The following PHF14 variants were observed in gnomAD, a reference collection of about 807,000 sequenced individuals.
PHF14 encodes the protein PHD finger protein 14.
A neutral mutation model predicts 117.9 loss-of-function variants in PHF14; 55 were observed. That is an observed-to-expected ratio of 0.47 (90% CI 0.38 to 0.58). PHF14 has a LOEUF of 0.58. Ranked by LOEUF, PHF14 falls within the 20% of genes least tolerant of loss-of-function variation. PHF14 has a pLI of 0.00. For missense variants in PHF14, 978 were observed against 1,122.2 expected (o/e 0.87, Z 1.84); for synonymous variants, 409 against 368.6 (o/e 1.11, Z -1.26).
chr7:10,987,188 T>C (rs1681311), intron 3 of PHF14, among the ~76,000 whole-genome samples: 106,121 of 152,082 alleles, frequency 0.7, 37,691 homozygotes, highest in African/African-American at 0.83. Context: ...AAAAAAAGGT[T>C]AGTTCTGTAA....
intron 17 of PHF14, among the ~76,000 whole-genome samples, chr7:11,114,993 G>A (rs538589043): frequency 2.6e-5 from 4 of 152,080 alleles, no homozygotes; most frequent in African/African-American, 9.6e-5. Flanking sequence ...AAAGAAATGT[G>A]TTTTCTTCTT....
At chr7:11,085,098 T>C (rs1786335845) in intron 16 of PHF14, among the ~76,000 whole-genome samples, 1 of 152,206 alleles carries the variant, frequency 6.6e-6, no homozygotes, top group South Asian at 2.1e-4. Context: ...AAACCTAATT[T>C]GGTATGTTAT....
At chr7:11,035,203 T>C (rs552093229) in intron 7 of PHF14, among the ~76,000 whole-genome samples, 1 of 152,192 alleles carries the variant, frequency 6.6e-6, no homozygotes, top group Admixed American at 6.5e-5. Flanking sequence ...TTAGGTATTA[T>C]AAGTAATGTA....
chr7:11,044,958 A>C (rs1758208049), intron 13 of PHF14, among the ~76,000 whole-genome samples: 2 of 152,112 alleles, frequency 1.3e-5, no homozygotes, highest in Admixed American at 1.3e-4. Flanking sequence ...CTTTGACTGT[A>C]ATGTCAGTGC....
At chr7:11,085,752 T>C (rs1005221106) in intron 16 of PHF14, among the ~76,000 whole-genome samples, 3 of 152,034 alleles carry the variant, frequency 2.0e-5, no homozygotes, top group Non-Finnish European at 4.4e-5. Context: ...AGAGACAGGG[T>C]CTCACTATAT....
intron 17 of PHF14, among the ~76,000 whole-genome samples, chr7:11,160,331 T>C (rs183946209): frequency 5.4e-4 from 83 of 152,322 alleles, no homozygotes; most frequent in Admixed American, 2.7e-3. Context: ...TGATTACATG[T>C]CTTCGCTATT....
intron 14 of PHF14, chr7:11,061,552 C>T: frequency 3.5e-6 from 1 of 283,632 alleles, no homozygotes; most frequent in Non-Finnish European, 6.5e-6. Context: ...CTATCAGATA[C>T]ATGTTTATTT....
chr7:10,977,163 A>G (rs902059164), intron 2 of PHF14, among the ~76,000 whole-genome samples: 1 of 152,048 alleles, frequency 6.6e-6, no homozygotes, highest in Non-Finnish European at 1.5e-5. Flanking sequence ...CATTAGTCCT[A>G]TCACTGGTTT....
In PHF14 at chr7:11,080,128, T is replaced by C. The variant is rs571604269; in HGVS notation, c.2654+18043T>C. ...AAGTTTATTTGCACCTGTGAGAACA[T>C]ACCAAGTGTAGTTGGATAGAGGAAG... On this transcript the variant is annotated intron_variant, in intron 16 of 17. Transcript: ENST00000634607. Among the ~76,000 whole-genome samples, 4 of 152,280 alleles carry C rather than the reference T, an allele frequency of 2.6e-5. No individual in the cohort carries two copies. The East Asian group carries it at 7.7e-4, about 29-fold the overall frequency.
chr7:11,102,675 G>C (rs1346771082), intron 16 of PHF14: 1 of 1,474,708 alleles, frequency 6.8e-7, no homozygotes, highest in East Asian at 2.5e-5. Context: ...TGTCAGGTTT[G>C]GATAGAATAT....
At chr7:11,165,702 G>T (rs1789183078) in intron 17 of PHF14, among the ~76,000 whole-genome samples, 1 of 152,104 alleles carries the variant, frequency 6.6e-6, no homozygotes, top group Admixed American at 6.5e-5. Flanking sequence ...GAATGGATAG[G>T]TTTTATTAAT....
chr7:11,084,596 AT>A (rs1255167217), intron 16 of PHF14, among the ~76,000 whole-genome samples: 3 of 151,982 alleles, frequency 2.0e-5, no homozygotes, highest in Non-Finnish European at 4.4e-5. Flanking sequence ...ATTTGGATGT[AT>A]CATAATTTAC....
At chr7:11,104,652 T>C in intron 16 of PHF14, 1 of 976,894 alleles carries the variant, frequency 1.0e-6, no homozygotes, top group Non-Finnish European at 1.2e-6. Context: ...TAATAGCAAG[T>C]AGTGGTTCTC....
At chr7:11,077,586 C>G (rs185309667) in intron 16 of PHF14, among the ~76,000 whole-genome samples, 3 of 121,738 alleles carry the variant, frequency 2.5e-5, no homozygotes, top group South Asian at 2.5e-4. Context: ...GGCAACAGAG[C>G]GAGACTCTGT....
intron 16 of PHF14, among the ~76,000 whole-genome samples, chr7:11,078,270 T>TA (rs1785944300): frequency 6.6e-6 from 1 of 152,164 alleles, no homozygotes; most frequent in African/African-American, 2.4e-5. Flanking sequence ...ATGATTATCC[T>TA]GCCTCTTTTC....
At chr7:11,013,654 T>C in intron 4 of PHF14, 93 bp from the exon 5 acceptor site, 2 of 623,944 alleles carry the variant, frequency 3.2e-6, no homozygotes, top group Non-Finnish European at 5.4e-6. Flanking sequence ...CATATCTTTT[T>C]CCTCATCTCT....
chr7:10,985,832 T>C (rs1013959796), intron 3 of PHF14, among the ~76,000 whole-genome samples: 5 of 151,948 alleles, frequency 3.3e-5, no homozygotes, highest in African/African-American at 1.2e-4. Context: ...TTTGTATTTT[T>C]AGTAGAGGTG....
chr7:11,122,408 TACAC>T (rs1787799485), intron 17 of PHF14, among the ~76,000 whole-genome samples: 3 of 118,578 alleles, frequency 2.5e-5, no homozygotes, highest in African/African-American at 9.6e-5. Context: ...CATATATATA[TACAC>T]GTATATATAT....
chr7:10,987,634 T>C (rs1782268907), intron 3 of PHF14, among the ~76,000 whole-genome samples: 1 of 152,174 alleles, frequency 6.6e-6, no homozygotes, highest in Non-Finnish European at 1.5e-5. Flanking sequence ...AAAGTTATTT[T>C]CTAGGTGGTA....
Sources: allele counts gnomAD v4.1 joint callset (sites outside exome capture counted in the v4.1 genomes callset), GRCh38; gene constraint gnomAD v4.1.1; transcripts MANE v1.5; gene names NCBI Gene and HGNC (gene_info 2026-07-23, HGNC 2026-07-21).